GNAL: variants seen among roughly 807,000 people sequenced by gnomAD.
GNAL encodes the protein guanine nucleotide-binding protein G(olf) subunit alpha.
Under a neutral mutation model 55.1 loss-of-function variants are expected in GNAL, and 18 were observed. That is an observed-to-expected ratio of 0.33 (90% CI 0.23 to 0.48). The LOEUF (loss-of-function observed/expected upper bound fraction) is 0.48. Ranked by LOEUF, GNAL falls within the 20% of genes least tolerant of loss-of-function variation. The probability of loss-of-function intolerance (pLI) is 0.99; values close to 1 mark genes in which losing one functional copy is unlikely to be tolerated. For synonymous variants in GNAL, 253 were observed against 237.0 expected (o/e 1.07, Z -0.62); for missense variants, 412 against 614.1 (o/e 0.67, Z 3.48).
chr18:11,867,453 C>T (rs1389739194), intron 8 of GNAL, among the ~76,000 whole-genome samples: 3 of 151,834 alleles, frequency 2.0e-5, no homozygotes, highest in African/African-American at 7.3e-5. Flanking sequence ...CCAAGGAGGG[C>T]GGATAACCTG....
rs1314963053 is a variant in GNAL at position 11,788,910 on chromosome 18, A to ATATATAT, written c.624+34965_624+34966insTATATAT. On this transcript the variant is annotated intron_variant, in intron 4 of 11. Transcript: ENST00000334049. ...AGACTCCGTCTCGAAAAAAAAAAAAAAAAAATATATATATATATATATATA... is the reference window on the plus strand; with the variant it reads ...AGACTCCGTCTCGAAAAAAAAAAAAATATATATAAAAATATATATATATATATATATA... 4.3e-3 allele frequency among the ~76,000 whole-genome samples: 317 copies of ATATATAT among 73,206 alleles called. 1 individual carries two copies. The highest frequency in any genetic ancestry group is 0.023 in the East Asian group (49 of 2,100). The allele number at this position is 73,206 out of a possible 152,430, so 48.0% of individuals were successfully genotyped here.
intron 5 of GNAL, chr18:11,857,630 G>T: frequency 1.0e-6 from 1 of 985,482 alleles, no homozygotes; most frequent in Non-Finnish European, 1.2e-6. Context: ...GAGTCACCAT[G>T]AATCACTGAT....
intron 1 of GNAL, among the ~76,000 whole-genome samples, chr18:11,732,890 A>G (rs548366924): frequency 6.6e-6 from 1 of 152,376 alleles, no homozygotes; most frequent in African/African-American, 2.4e-5. Context: ...GAAGAGGGAA[A>G]CAGCAAAAAT....
chr18:11,876,565 G>C, intron 10 of GNAL, 56 bp from the exon 11 acceptor site: 1 of 1,023,238 alleles, frequency 9.8e-7, no homozygotes, highest in Non-Finnish European at 1.6e-6. Flanking sequence ...TGTTTTCGTA[G>C]AGTTGTATCT....
chr18:11,783,011 A>G (rs1394639023), intron 4 of GNAL, among the ~76,000 whole-genome samples: 1 of 152,264 alleles, frequency 6.6e-6, no homozygotes, highest in Non-Finnish European at 1.5e-5. Flanking sequence ...TGACTACGCA[A>G]AAGACATGGT....
Position 11,689,869 on chromosome 18 carries a change from C to T in GNAL, c.306C>T (p.Ser102=), listed in dbSNP as rs368166184. ...REAVKEARKV[S]RGIDRMLRDQ... ...CGGTCAAGGAGGCGAGGAAAGTGAG[C>T]CGGGGCATCGACCGCATGCTGCGCG... The change falls in exon 1 of 12, where the codon AGC becomes AGT. Residue 102 remains serine, a synonymous_variant. Coordinates refer to ENST00000334049, the MANE Select transcript of GNAL (RefSeq NM_182978.4). The T allele has an allele frequency of 3.3e-6, 5 of 1,512,868 alleles. No individual in the cohort carries two copies. In the African/African-American group the frequency reaches 4.3e-5, roughly 13 times the overall value. 93.7% of individuals were successfully genotyped at this position (1,512,868 alleles called of 1,614,324 possible).
chr18:11,805,913 A>C (rs1185270960), intron 4 of GNAL, among the ~76,000 whole-genome samples: 1 of 152,184 alleles, frequency 6.6e-6, no homozygotes, highest in Non-Finnish European at 1.5e-5. Flanking sequence ...TGATTATTTG[A>C]GGAATCTCCA....
At chr18:11,768,947 ACTATATGT>A (rs2033510736) in intron 4 of GNAL, among the ~76,000 whole-genome samples, 1 of 125,596 alleles carries the variant, frequency 8.0e-6, no homozygotes, top group Admixed American at 9.5e-5. Flanking sequence ...TATATATATT[ACTATATGT>A]TATATATAAT....
chr18:11,825,029 T>TG lies in GNAL; in HGVS notation c.722+15dup. On this transcript the variant is annotated intron_variant, in intron 5 of 11. Coordinates refer to ENST00000334049, the MANE Select transcript of GNAL (RefSeq NM_182978.4). ...CTGTGCACAATAGTAAGTTGTGTCCTGTACAAGTTACAGGGCCCTTTGAAG... is the reference window on the plus strand; with the variant it reads ...CTGTGCACAATAGTAAGTTGTGTCCTGGTACAAGTTACAGGGCCCTTTGAAG... 2 of 1,382,818 alleles carry TG rather than the reference T, an allele frequency of 1.4e-6. No individual in the cohort carries two copies. The highest frequency in any genetic ancestry group is 2.4e-5 in the South Asian group (2 of 83,606). 85.7% of individuals were successfully genotyped at this position (1,382,818 alleles called of 1,614,324 possible). A position where few individuals can be genotyped will look rare whatever the true frequency, so the allele number is the denominator to read the frequency against.
rs532317321 is a variant in GNAL at position 11,744,405 on chromosome 18, A to C, written c.377-8448A>C. Among the ~76,000 whole-genome samples, 8 of 152,348 alleles carry C rather than the reference A, an allele frequency of 5.3e-5. No homozygotes were observed. The East Asian group carries it at 1.5e-3, about 29-fold the overall frequency. On this transcript the variant is annotated intron_variant, in intron 1 of 11. Coordinates refer to ENST00000334049, the MANE Select transcript of GNAL (RefSeq NM_182978.4). ...CCCTGCTTTTCTCTAAAAATCGTTA[A>C]AATTTTTATCATGATGTTTTTTAAG...
At chr18:11,750,136 A>G (rs1185541091) in intron 1 of GNAL, among the ~76,000 whole-genome samples, 2 of 152,126 alleles carry the variant, frequency 1.3e-5, no homozygotes, top group East Asian at 1.9e-4. Flanking sequence ...CAGGAAACGG[A>G]CCCAACGGGA....
chr18:11,822,886 A>G (rs1362179950), intron 4 of GNAL, among the ~76,000 whole-genome samples: 3 of 141,738 alleles, frequency 2.1e-5, no homozygotes, highest in Non-Finnish European at 4.5e-5. Flanking sequence ...TTTTAATTCC[A>G]TTTGGAAACC....
At chr18:11,850,140 C>T (rs1437672138) in intron 5 of GNAL, among the ~76,000 whole-genome samples, 2 of 152,194 alleles carry the variant, frequency 1.3e-5, no homozygotes, top group Non-Finnish European at 2.9e-5. Context: ...ACATTCTCCC[C>T]GCTGGCCGAA....
intron 1 of GNAL, among the ~76,000 whole-genome samples, chr18:11,720,007 C>T (rs1293823410): frequency 3.3e-5 from 5 of 152,194 alleles, no homozygotes; most frequent in African/African-American, 1.2e-4. Flanking sequence ...CTTTAATGAA[C>T]ATTTGAATCC....
chr18:11,777,324 A>G (rs911952137), intron 4 of GNAL, among the ~76,000 whole-genome samples: 4 of 152,224 alleles, frequency 2.6e-5, no homozygotes, highest in Non-Finnish European at 5.9e-5. Flanking sequence ...AATCACAGTC[A>G]GCTCCCTGTG....
chr18:11,865,212 G>T (rs1324248660), intron 7 of GNAL, among the ~76,000 whole-genome samples: 2 of 128,258 alleles, frequency 1.6e-5, no homozygotes, highest in Non-Finnish European at 3.3e-5. Flanking sequence ...CCTGGATCGT[G>T]CTGTTCCTCT....
rs553613621 is a variant in GNAL, at chr18:11,869,094, T to TAAA, written c.1031+432_1031+433insAAA. Among the ~76,000 whole-genome samples the TAAA allele has an allele frequency of 1.2e-4, 18 of 152,338 alleles. 1 individual carries two copies. In the East Asian group the frequency reaches 3.5e-3, roughly 29 times the overall value. ...CCAGAACCGTACGAAGTATCTCTTT[T>TAAA]AGTTCATCTATTGTATAGATATACT... On this transcript the variant is annotated intron_variant, in intron 9 of 11. Transcript: ENST00000334049.
rs369755009 is a variant in GNAL at position 11,874,919 on chromosome 18, C to CCTCACAGCCT, written c.1163-1700_1163-1691dup. On this transcript the variant is annotated intron_variant, in intron 10 of 11. Transcript: ENST00000334049. ...CTTCTATGAATCTGTGAGTAAGTGT[C>CCTCACAGCCT]CTCACAGCCTCACACACCCTGCAAC... Among the ~76,000 whole-genome samples the CCTCACAGCCT allele has an allele frequency of 3.0e-3, 452 of 150,642 alleles. 4 individuals carry two copies. The highest frequency in any genetic ancestry group is 0.011 in the African/African-American group (436 of 40,750).
At chr18:11,809,384 C>A (rs1368472976) in intron 4 of GNAL, among the ~76,000 whole-genome samples, 1 of 152,092 alleles carries the variant, frequency 6.6e-6, no homozygotes, top group African/African-American at 2.4e-5. Context: ...GATGAAGGCA[C>A]AACTCTACAA....
Sources: gnomAD v4.1 joint callset for allele counts (sites outside exome capture counted in the v4.1 genomes callset) on GRCh38, gnomAD v4.1.1 for gene constraint, MANE v1.5 for transcripts, NCBI Gene and HGNC (gene_info 2026-07-23, HGNC 2026-07-21) for gene names.